Variants in KCNH1 observed in about 807,000 individuals in gnomAD.
KCNH1 encodes the protein voltage-gated delayed rectifier potassium channel KCNH1.
In KCNH1, 27 loss-of-function variants were observed where a neutral mutation model predicts 69.2. That is an observed-to-expected ratio of 0.39 (90% CI 0.29 to 0.54). KCNH1 has a LOEUF of 0.54. Ranked by LOEUF, KCNH1 falls within the 20% of genes least tolerant of loss-of-function variation. The pLI is 0.68. For synonymous variants in KCNH1, 456 were observed against 487.7 expected, an observed-to-expected ratio of 0.93 and a Z score of 0.86; for missense variants, 798 against 1,261.6, an observed-to-expected ratio of 0.63 and a Z score of 5.57.
intron 7 of KCNH1, among the ~76,000 whole-genome samples, chr1:210,808,056 T>A (rs892941268): frequency 2.0e-5 from 3 of 152,192 alleles, no homozygotes; most frequent in African/African-American, 7.2e-5. Context: ...CAGTTGAAGG[T>A]CCTGTCTCCT....
rs74156053 is a variant in KCNH1, at chr1:210,735,245, T to C, written c.2112+40103A>G. 7.5e-3 allele frequency among the ~76,000 whole-genome samples: 1,146 copies of C among 152,298 alleles called. 12 individuals are homozygous for C. The highest frequency in any genetic ancestry group is 0.026 in the African/African-American group (1,085 of 41,548). ...AGACTTGTGAGCCCCCCTGCCTCCA[T>C]AGACCTAGCGTACACCCCAGGCATC... On this transcript the variant is annotated intron_variant, in intron 10 of 10. Transcript: ENST00000271751.
At chr1:210,696,614 TC>T (rs1276916292) in intron 10 of KCNH1, among the ~76,000 whole-genome samples, 1 of 152,108 alleles carries the variant, frequency 6.6e-6, no homozygotes, top group African/African-American at 2.4e-5. Context: ...ACACTTGAAC[TC>T]CCACCTGGTA....
intron 6 of KCNH1, among the ~76,000 whole-genome samples, chr1:210,996,354 AG>A (rs1271950510): frequency 2.0e-5 from 3 of 152,198 alleles, no homozygotes; most frequent in Non-Finnish European, 2.9e-5. Flanking sequence ...CCTGGTTCGG[AG>A]GGTCCTACGC....
intron 4 of KCNH1, among the ~76,000 whole-genome samples, chr1:211,085,173 GGC>G (rs1690930899): frequency 6.6e-6 from 1 of 152,126 alleles, no homozygotes; most frequent in Non-Finnish European, 1.5e-5. Flanking sequence ...CACCTACAAA[GGC>G]AGAAAATTAT....
intron 5 of KCNH1, among the ~76,000 whole-genome samples, chr1:211,071,927 G>A (rs1690651501): frequency 6.6e-6 from 1 of 151,822 alleles, no homozygotes; most frequent in Non-Finnish European, 1.5e-5. Flanking sequence ...AGAGTTGGGA[G>A]GAAAAAAAAA....
intron 6 of KCNH1, among the ~76,000 whole-genome samples, chr1:211,011,253 T>C (rs1417442674): frequency 6.6e-6 from 1 of 152,198 alleles, no homozygotes. Flanking sequence ...CTGTGTTAGT[T>C]TGCTGAGAAT....
chr1:210,694,767 G>A (rs111437118), intron 10 of KCNH1, among the ~76,000 whole-genome samples: 53 of 152,282 alleles, frequency 3.5e-4, no homozygotes, highest in African/African-American at 8.2e-4. Context: ...GAGAGGTGAC[G>A]TTCTCTCCAA....
chr1:210,994,345 A>T (rs1367823401), intron 6 of KCNH1, among the ~76,000 whole-genome samples: 1 of 152,250 alleles, frequency 6.6e-6, no homozygotes, highest in Non-Finnish European at 1.5e-5. Context: ...TAAGTGCCAC[A>T]ACTTGCAAAG....
At chr1:210,831,254 T>C (rs898766951) in intron 7 of KCNH1, among the ~76,000 whole-genome samples, 1 of 152,198 alleles carries the variant, frequency 6.6e-6, no homozygotes, top group African/African-American at 2.4e-5. Flanking sequence ...AAAGCCTAAA[T>C]AGGGGTTAAA....
At chr1:210,847,945 G>C (rs1346561595) in intron 7 of KCNH1, among the ~76,000 whole-genome samples, 1 of 152,130 alleles carries the variant, frequency 6.6e-6, no homozygotes, top group Admixed American at 6.5e-5. Context: ...AAGACTGAAA[G>C]GGTGGGCCAG....
chr1:210,775,567 AG>A, intron 9 of KCNH1, 23 bp from the exon 10 acceptor site: 1 of 1,602,710 alleles, frequency 6.2e-7, no homozygotes, highest in East Asian at 2.2e-5. Context: ...GGTTGTCATG[AG>A]GAAAGTGTTG....
chr1:210,707,774 G>A (rs1466414701), intron 10 of KCNH1, among the ~76,000 whole-genome samples: 3 of 152,112 alleles, frequency 2.0e-5, no homozygotes, highest in Admixed American at 2.0e-4. Flanking sequence ...CCTCCTCTTA[G>A]GAACCTATAA....
chr1:210,904,387 C>G (rs1373821079), intron 7 of KCNH1, among the ~76,000 whole-genome samples: 1 of 151,898 alleles, frequency 6.6e-6, no homozygotes, highest in Non-Finnish European at 1.5e-5. Flanking sequence ...CACTCCAGGG[C>G]CTCATCTCTG....
At chr1:210,788,529 G>A (rs1346925749) in intron 9 of KCNH1, among the ~76,000 whole-genome samples, 1 of 152,084 alleles carries the variant, frequency 6.6e-6, no homozygotes, top group Non-Finnish European at 1.5e-5. Flanking sequence ...TTCGGGGACT[G>A]TAAACCAATT....
At chr1:210,826,886 C>T (rs1685042377) in intron 7 of KCNH1, among the ~76,000 whole-genome samples, 1 of 152,244 alleles carries the variant, frequency 6.6e-6, no homozygotes, top group Non-Finnish European at 1.5e-5. Flanking sequence ...GCCTGGGCAG[C>T]ACCTGTACCA....
At chr1:210,899,920 A>C (rs2102534078) in intron 7 of KCNH1, among the ~76,000 whole-genome samples, 1 of 152,342 alleles carries the variant, frequency 6.6e-6, no homozygotes, top group South Asian at 2.1e-4. Flanking sequence ...CCACAAAGGT[A>C]CATATTAAAG....
At chr1:211,080,175 T>A (rs894584508) in intron 5 of KCNH1, among the ~76,000 whole-genome samples, 4 of 151,908 alleles carry the variant, frequency 2.6e-5, no homozygotes, top group African/African-American at 9.7e-5. Context: ...ACACCAATAA[T>A]AGACAAACAG....
At chr1:210,766,152 G>A (rs1683626261) in intron 10 of KCNH1, among the ~76,000 whole-genome samples, 1 of 152,164 alleles carries the variant, frequency 6.6e-6, no homozygotes, top group Admixed American at 6.5e-5. Flanking sequence ...ATTTTTGTTG[G>A]TTGGTTGGTT....
At chr1:210,760,931 A>G (rs1405982052) in intron 10 of KCNH1, among the ~76,000 whole-genome samples, 16 of 152,218 alleles carry the variant, frequency 1.1e-4, no homozygotes, top group Non-Finnish European at 2.9e-5. Context: ...CAGTCAAATC[A>G]TATCAGAATG....
Sources: gnomAD v4.1 joint callset for allele counts (sites outside exome capture counted in the v4.1 genomes callset) on GRCh38, gnomAD v4.1.1 for gene constraint, MANE v1.5 for transcripts, NCBI Gene and HGNC (gene_info 2026-07-23, HGNC 2026-07-21) for gene names.